Variants in GREM2 observed in about 807,000 individuals in gnomAD.
GREM2 encodes the protein gremlin-2.
A neutral mutation model predicts 14.2 loss-of-function variants in GREM2; 11 were observed. The observed-to-expected ratio is 0.78, with a 90% CI of 0.49 to 1.28. The LOEUF (loss-of-function observed/expected upper bound fraction) is 1.28, where lower values mean the gene tolerates loss of function less well. Among genes scored for constraint, GREM2 ranks in the 50% most tolerant of loss-of-function variants. The probability of loss-of-function intolerance (pLI) is 0.00; values close to 1 mark genes in which losing one functional copy is unlikely to be tolerated. For synonymous variants in GREM2, 98 were observed against 97.6 expected (o/e 1.00, Z -0.02); for missense variants, 210 against 218.5 (o/e 0.96, Z 0.24).
intron 1 of GREM2, among the ~76,000 whole-genome samples, chr1:240,599,464 A>T (rs1386007979): frequency 6.6e-6 from 1 of 152,072 alleles, no homozygotes; most frequent in Non-Finnish European, 1.5e-5. Flanking sequence ...CCAGGGAGTG[A>T]CTTTCCTCTG....
chr1:240,548,262 G>T (rs1241845135), intron 1 of GREM2, among the ~76,000 whole-genome samples: 1 of 151,968 alleles, frequency 6.6e-6, no homozygotes, highest in Non-Finnish European at 1.5e-5. Context: ...GCTATAGAGT[G>T]AGACTCTGTC....
At chr1:240,530,051 A>G (rs1450801961) in intron 1 of GREM2, among the ~76,000 whole-genome samples, 1 of 152,112 alleles carries the variant, frequency 6.6e-6, no homozygotes, top group African/African-American at 2.4e-5. Context: ...TGACCATTTG[A>G]CAACCTCATT....
intron 1 of GREM2, among the ~76,000 whole-genome samples, chr1:240,552,116 C>T (rs779283505): frequency 1.3e-5 from 2 of 152,286 alleles, no homozygotes; most frequent in South Asian, 2.1e-4. Flanking sequence ...AGTAATATTA[C>T]GATCCTTGGG....
In GREM2 at chr1:240,555,155, A is replaced by G. The variant is rs565969674; in HGVS notation, c.-2+56729T>C. Among the ~76,000 whole-genome samples, 14 of 44,140 alleles carry G rather than the reference A, an allele frequency of 3.2e-4. No individual in the cohort carries two copies. The South Asian group carries it at 9.6e-3, about 30-fold the overall frequency. The allele number at this position is 44,140 out of a possible 152,430, so 29.0% of individuals were successfully genotyped here. A position where few individuals can be genotyped will look rare whatever the true frequency, so the allele number is the denominator to read the frequency against. Reference sequence around the variant, plus strand: ...AGAGAAACTCCATCTCAAAAAAAAGAAAGAAAGAAAGAAAGAAAGAAAAAA... The same window carrying G: ...AGAGAAACTCCATCTCAAAAAAAAGGAAGAAAGAAAGAAAGAAAGAAAAAA... On this transcript the variant is annotated intron_variant, in intron 1 of 1. Transcript: ENST00000318160.
At chr1:240,500,822 T>A (rs1677555052) in intron 1 of GREM2, among the ~76,000 whole-genome samples, 1 of 152,198 alleles carries the variant, frequency 6.6e-6, no homozygotes. Flanking sequence ...CATTTTGGCA[T>A]GTGTTTATTT....
intron 1 of GREM2, 104 bp from the exon 2 acceptor site, chr1:240,493,580 C>G (rs1677323930): frequency 1.6e-5 from 22 of 1,373,380 alleles, no homozygotes; most frequent in Non-Finnish European, 2.1e-5. Flanking sequence ...GCTCTGTTGC[C>G]CAGGCTGGAG....
At chr1:240,510,291 A>AC (rs1340568484) in intron 1 of GREM2, among the ~76,000 whole-genome samples, 7 of 137,880 alleles carry the variant, frequency 5.1e-5, no homozygotes, top group Admixed American at 1.7e-4. Flanking sequence ...AATGGCGTGA[A>AC]CCGGGGAGGC....
chr1:240,610,037 T>C (rs1306701121), intron 1 of GREM2, among the ~76,000 whole-genome samples: 1 of 152,194 alleles, frequency 6.6e-6, no homozygotes, highest in Non-Finnish European at 1.5e-5. Flanking sequence ...AAGCCATCAG[T>C]GTCTCCTAGT....
At chr1:240,585,468 C>G (rs1486042070) in intron 1 of GREM2, among the ~76,000 whole-genome samples, 1 of 151,914 alleles carries the variant, frequency 6.6e-6, no homozygotes, top group East Asian at 1.9e-4. Context: ...GGTGGCTCAC[C>G]CCTGTAATCT....
At chr1:240,571,906 G>A (rs1368633271) in intron 1 of GREM2, among the ~76,000 whole-genome samples, 1 of 152,060 alleles carries the variant, frequency 6.6e-6, no homozygotes, top group Non-Finnish European at 1.5e-5. Flanking sequence ...CCAAACGCCA[G>A]AGCTGGGCTG....
At chr1:240,522,075 A>T (rs1259369416) in intron 1 of GREM2, among the ~76,000 whole-genome samples, 1 of 150,284 alleles carries the variant, frequency 6.7e-6, no homozygotes, top group Non-Finnish European at 1.5e-5. Flanking sequence ...AGCCATGATC[A>T]CACCACCACA....
At chr1:240,600,618 G>A (rs1679903377) in intron 1 of GREM2, among the ~76,000 whole-genome samples, 1 of 151,806 alleles carries the variant, frequency 6.6e-6, no homozygotes, top group Non-Finnish European at 1.5e-5. Context: ...TGAGTAGCTG[G>A]GATTACAGGC....
intron 1 of GREM2, among the ~76,000 whole-genome samples, chr1:240,527,726 T>C (rs1678255443): frequency 6.6e-6 from 1 of 152,200 alleles, no homozygotes; most frequent in Non-Finnish European, 1.5e-5. Context: ...AGTACACAAA[T>C]GTGGTACTGT....
chr1:240,529,125 T>C (rs1469209611), intron 1 of GREM2, among the ~76,000 whole-genome samples: 1 of 152,124 alleles, frequency 6.6e-6, no homozygotes, highest in Non-Finnish European at 1.5e-5. Context: ...CTGCAGGATT[T>C]CCTGGTGAGG....
At chr1:240,574,071 C>T (rs1169068281) in intron 1 of GREM2, among the ~76,000 whole-genome samples, 1 of 152,056 alleles carries the variant, frequency 6.6e-6, no homozygotes, top group Non-Finnish European at 1.5e-5. Context: ...CAGGCACCCA[C>T]CACCATACCT....
intron 1 of GREM2, among the ~76,000 whole-genome samples, chr1:240,580,921 A>G (rs1408527508): frequency 2.0e-5 from 3 of 152,186 alleles, no homozygotes; most frequent in Non-Finnish European, 2.9e-5. Context: ...GTGTTTAAGA[A>G]TAATGTAATA....
Position 240,570,108 on chromosome 1 carries a change from T to C in GREM2, c.-2+41776A>G, listed in dbSNP as rs541310056. On this transcript the variant is annotated intron_variant, in intron 1 of 1. Coordinates refer to ENST00000318160, the MANE Select transcript of GREM2 (RefSeq NM_022469.4). ...AACAGAGACACTTATTCGATTTTCA[T>C]AGACATTGAAATGTTTTTACTGGAA... 2.0e-5 allele frequency among the ~76,000 whole-genome samples: 3 copies of C among 152,322 alleles called. No homozygotes were observed. In the East Asian group the frequency reaches 5.8e-4, roughly 29 times the overall value.
chr1:240,603,473 T>C (rs1376311249), intron 1 of GREM2, among the ~76,000 whole-genome samples: 3 of 149,638 alleles, frequency 2.0e-5, no homozygotes, highest in Non-Finnish European at 4.5e-5. Flanking sequence ...TCCTCTCCCA[T>C]CCATCTCCCA....
intron 1 of GREM2, among the ~76,000 whole-genome samples, chr1:240,527,696 T>C (rs184424940): frequency 1.4e-4 from 21 of 152,336 alleles, no homozygotes; most frequent in African/African-American, 5.1e-4. Context: ...ATAATGTTCA[T>C]GATCTCTAAT....
Sources: gnomAD v4.1 joint callset for allele counts (sites outside exome capture counted in the v4.1 genomes callset) on GRCh38, gnomAD v4.1.1 for gene constraint, MANE v1.5 for transcripts, NCBI Gene and HGNC (gene_info 2026-07-23, HGNC 2026-07-21) for gene names.